The following SH3D21 variants were observed in gnomAD, a reference collection of about 807,000 sequenced individuals.
The protein encoded by SH3D21 is manchette microtubule inner protein 1.
In SH3D21, 83 loss-of-function variants were observed where a neutral mutation model predicts 82.1. The ratio of observed to expected loss-of-function variants is 1.01; its 90% CI spans 0.85 to 1.21. SH3D21 has a LOEUF of 1.21. Among genes scored for constraint, SH3D21 ranks in the 50% most tolerant of loss-of-function variants. The pLI, the probability that SH3D21 is intolerant of heterozygous loss-of-function variation, is 0.00. For synonymous variants in SH3D21, 383 were observed against 387.8 expected (o/e 0.99, Z 0.15); for missense variants, 980 against 962.1 (o/e 1.02, Z -0.25).
chr1:36,321,410 T>G (rs1320348291), downstream of SH3D21: 1 of 1,292,628 alleles, frequency 7.7e-7, no homozygotes, highest in Non-Finnish European at 9.9e-7. This position sits in a 1 kb window ranked among gnomAD's most constrained non-coding sequence, Gnocchi z 6.1. Context: ...GGGTGTCTCC[T>G]TCGGACTCCA....
In SH3D21 at chr1:36,319,813, C is replaced by T. The variant is rs1391933630; in HGVS notation, c.1150C>T (p.Pro384Ser). 2.5e-6 allele frequency: 4 copies of T among 1,613,728 alleles called. No homozygotes were observed. The highest frequency in any genetic ancestry group is 3.4e-6 in the Non-Finnish European group (4 of 1,179,940). The change falls in exon 14 of 16, where the codon CCC (proline) becomes TCC (serine). Residue 384 changes from proline to serine, a missense_variant. By Grantham distance (74) the Pro-to-Ser change is moderately conservative (BLOSUM62 -1). Transcript: ENST00000453908. ...SKKIPAPDKV[P>S]SPEKTLTLGD... is the part of the protein sequence containing the mutation. ...GAAGATCCCGGCTCCTGACAAAGTC[C>T]CCTCCCCAGAGAAGACCCTCACTCT...
At chr1:36,318,926 A>AATG (rs1186431894) in intron 10 of SH3D21, 145 bp from the exon 11 acceptor site, 5 of 275,346 alleles carry the variant, frequency 1.8e-5, no homozygotes, top group African/African-American at 1.1e-4. Flanking sequence ...TAATAATAAT[A>AATG]ATAATAATAA....
intron 7 of SH3D21, 56 bp downstream of exon 7, chr1:36,308,019 T>C: frequency 1.3e-6 from 2 of 1,550,934 alleles, no homozygotes; most frequent in South Asian, 2.4e-5. Flanking sequence ...AGGTTGTGAC[T>C]TGGTGGGCCA....
rs767624105 is a variant in SH3D21 at position 36,313,972 on chromosome 1, C to CTTTTTTTTTTTTTTTTT, written c.769+4386_769+4402dup. Among the ~76,000 whole-genome samples, 113 of 36,830 alleles carry CTTTTTTTTTTTTTTTTT rather than the reference C, an allele frequency of 3.1e-3. 45 individuals carry two copies. The highest frequency in any genetic ancestry group is 4.7e-3 in the Non-Finnish European group (87 of 18,482). 24.2% of individuals were successfully genotyped at this position (36,830 alleles called of 152,430 possible). A position where few individuals can be genotyped will look rare whatever the true frequency, so the allele number is the denominator to read the frequency against. On this transcript the variant is annotated intron_variant, in intron 10 of 15. Transcript: ENST00000453908. ...TGGCTAATGATGCTGAACATATTTT[C>CTTTTTTTTTTTTTTTTT]TTTTTTTTTTTTTTTTTTTTGAGAC...
At chr1:36,317,414 T>A (rs1301146051) in intron 10 of SH3D21, among the ~76,000 whole-genome samples, 3 of 152,256 alleles carry the variant, frequency 2.0e-5, no homozygotes, top group African/African-American at 7.2e-5. Flanking sequence ...GGAGTTAACA[T>A]CAGCACTTGT....
At chr1:36,322,071 C>T (rs999802668), downstream of SH3D21, 20 of 1,348,150 alleles carry the variant, frequency 1.5e-5, no homozygotes, top group African/African-American at 1.5e-5. Flanking sequence ...CACTTCACCT[C>T]TTCATCGACC....
chr1:36,320,538 A>T lies in SH3D21; in HGVS notation c.1875A>T (p.Lys625Asn), dbSNP rs766835059. ...EVLPKEGVAS[K>N]EEVTLKEELP... ...TCCCCAAAGAGGGAGTGGCTTCCAAAGAGGAGGTGACCCTGAAAGAGGAAT... is the reference window on the plus strand; with the variant it reads ...TCCCCAAAGAGGGAGTGGCTTCCAATGAGGAGGTGACCCTGAAAGAGGAAT... The change falls in exon 14 of 16, where the codon AAA becomes AAT. Residue 625 changes from lysine (K) to asparagine (N), a missense_variant. By Grantham distance (94) the Lys-to-Asn change is moderately conservative. Coordinates refer to ENST00000453908, the MANE Select transcript of SH3D21 (RefSeq NM_001162530.2). 13 of 1,614,080 alleles carry T rather than the reference A, an allele frequency of 8.1e-6. No homozygotes were observed. The Admixed American group carries it at 2.2e-4, about 27-fold the overall frequency.
chr1:36,315,233 G>A (rs1042285453), intron 10 of SH3D21, among the ~76,000 whole-genome samples: 8 of 151,716 alleles, frequency 5.3e-5, no homozygotes, highest in African/African-American at 1.9e-4. Context: ...CCAAGATCAC[G>A]CCACTGCACT....
chr1:36,322,481 C>G (rs1435356486), downstream of SH3D21: 2 of 1,604,066 alleles, frequency 1.2e-6, no homozygotes, highest in South Asian at 2.2e-5. Flanking sequence ...GGGGCCCGTC[C>G]GGCTCTGCGG....
chr1:36,320,223 CA>C lies in SH3D21; in HGVS notation c.1563del (p.Glu522ArgfsTer29), dbSNP rs1482857877. On this transcript the variant is annotated frameshift_variant, in exon 14 of 16. Transcript: ENST00000453908. LOFTEE classifies it high-confidence loss of function. The part of the protein sequence containing the change: ...ALQKVKYFVA[K>X]EDPSSQEEAH... ...TGCAGAAGGTCAAGTACTTTGTAGC[CA>C]AAGAGGATCCATCATCCCAGGAGGA... 1 of 1,613,234 alleles carries C rather than the reference CA, an allele frequency of 6.2e-7. No homozygotes were observed. Among genetic ancestry groups the C allele is most frequent in the Non-Finnish European group, 8.5e-7 (1 of 1,180,024 alleles).
At chr1:36,322,982 G>T (rs1646493866), downstream of SH3D21, 1 of 1,606,080 alleles carries the variant, frequency 6.2e-7, no homozygotes, top group African/African-American at 1.3e-5. Flanking sequence ...GCGGATGTGC[G>T]CGTAGGCAGC....
rs375598807 is a variant in SH3D21, at chr1:36,320,800, T to C, written c.2135+2T>C. 3.8e-6 allele frequency: 6 copies of C among 1,562,706 alleles called. No individual in the cohort carries two copies. The highest frequency in any genetic ancestry group is 4.3e-6 in the Non-Finnish European group (5 of 1,153,302). ...GGAGCTGATGGAGGTGCAGCTGGAG[T>C]GAGTGGGCAGTGGCGGGGGTTGTGG... On this transcript the variant is annotated splice_donor_variant, in intron 14 of 15. Coordinates refer to ENST00000453908, the MANE Select transcript of SH3D21 (RefSeq NM_001162530.2). LOFTEE classifies it high-confidence loss of function.
downstream of SH3D21, chr1:36,322,650 A>G: frequency 1.3e-6 from 2 of 1,546,062 alleles, no homozygotes; most frequent in Non-Finnish European, 1.7e-6. Flanking sequence ...GATGCTGATG[A>G]CGAGCAGGCA....
intron 10 of SH3D21, among the ~76,000 whole-genome samples, chr1:36,318,722 C>T (rs551454695): frequency 3.0e-4 from 46 of 151,844 alleles, no homozygotes; most frequent in Middle Eastern, 3.4e-3. Flanking sequence ...ATGGCTAACA[C>T]GGTGAAACCC....
intron 10 of SH3D21, among the ~76,000 whole-genome samples, chr1:36,316,786 CTG>C (rs1646352664): frequency 7.1e-6 from 1 of 140,872 alleles, no homozygotes; most frequent in Non-Finnish European, 1.5e-5. Context: ...TTTTTGGAGA[CTG>C]AGTTTTGCTC....
At chr1:36,322,042 C>A, downstream of SH3D21, 2 of 1,304,558 alleles carry the variant, frequency 1.5e-6, no homozygotes, top group Non-Finnish European at 1.9e-6. Context: ...ACTGAGAATG[C>A]AGCTTTCTTT....
chr1:36,307,149 G>A lies in SH3D21; in HGVS notation c.227-18G>A, dbSNP rs1414054387. 3 of 1,551,206 alleles carry A rather than the reference G, an allele frequency of 1.9e-6. No homozygotes were observed. Among genetic ancestry groups the A allele is most frequent in the East Asian group, 2.4e-5 (1 of 40,898 alleles). On this transcript the variant is annotated intron_variant, in intron 3 of 15. Coordinates refer to ENST00000453908, the MANE Select transcript of SH3D21 (RefSeq NM_001162530.2). This position sits in a 1 kb window ranked among gnomAD's most constrained non-coding sequence, Gnocchi z 5.4. Reference sequence around the variant, plus strand: ...TGGGGCGTCCGACTGGAGCTCAGCCGCGCTTGTCCGGTGCTAGGTCATCCT... The same window carrying A: ...TGGGGCGTCCGACTGGAGCTCAGCCACGCTTGTCCGGTGCTAGGTCATCCT...
intron 12 of SH3D21, 21 bp from the exon 13 acceptor site, chr1:36,319,421 C>T: frequency 6.4e-7 from 1 of 1,551,432 alleles, no homozygotes; most frequent in Non-Finnish European, 8.7e-7. Context: ...GGCTTGGGTC[C>T]CTGAGGTTCT....
At chr1:36,322,600 G>T (rs1426190066), downstream of SH3D21, 5 of 1,556,514 alleles carry the variant, frequency 3.2e-6, no homozygotes, top group Non-Finnish European at 2.6e-6. Context: ...GGGTCCCGGC[G>T]CTGAGCCGGG....
Sources: gnomAD v4.1 joint callset for allele counts (sites outside exome capture counted in the v4.1 genomes callset) on GRCh38, gnomAD v4.1.1 for gene constraint, Gnocchi (gnomAD v3.1) non-coding constraint, MANE v1.5 for transcripts, NCBI Gene and HGNC (gene_info 2026-07-23, HGNC 2026-07-21) for gene names.